Variants in THSD4 observed in about 807,000 individuals in gnomAD.
THSD4 encodes thrombospondin type 1 domain containing 4, also known as thrombospondin type-1 domain-containing protein 4.
In THSD4, 69 loss-of-function variants were observed where a neutral mutation model predicts 119.0. That is an observed-to-expected ratio of 0.58 (90% CI 0.48 to 0.71). The LOEUF (loss-of-function observed/expected upper bound fraction) is 0.71. Ranked by LOEUF, THSD4 falls within the 30% of genes least tolerant of loss-of-function variation. The pLI, the probability that THSD4 is intolerant of heterozygous loss-of-function variation, is 0.00. For synonymous variants in THSD4, 524 were observed against 540.4 expected, an observed-to-expected ratio of 0.97 and a Z score of 0.42; for missense variants, 1,393 against 1,391.1, an observed-to-expected ratio of 1.00 and a Z score of -0.02.
chr15:71,119,854 C>G (rs2040394533), intron 1 of THSD4, among the ~76,000 whole-genome samples: 2 of 152,210 alleles, frequency 1.3e-5, no homozygotes, highest in Non-Finnish European at 2.9e-5. Context: ...GGCCTTGCTC[C>G]ACTTCCTACC....
intron 3 of THSD4, among the ~76,000 whole-genome samples, chr15:71,193,382 A>T (rs1485446122): frequency 6.6e-6 from 1 of 152,290 alleles, no homozygotes; most frequent in African/African-American, 2.4e-5. Flanking sequence ...CAATATTAAC[A>T]CGCATTACAC....
chr15:71,434,040 A>G (rs959061832), intron 7 of THSD4, among the ~76,000 whole-genome samples: 1 of 152,172 alleles, frequency 6.6e-6, no homozygotes, highest in East Asian at 1.9e-4. Flanking sequence ...CAGAGACAGC[A>G]TAAGTCTGTC....
rs775636639 is a variant in THSD4, at chr15:71,774,830, G to A, written c.2915-2402G>A. Among the ~76,000 whole-genome samples the A allele has an allele frequency of 4.8e-4, 73 of 151,806 alleles. 2 individuals carry two copies. Among genetic ancestry groups the A allele is most frequent in the Admixed American group, 3.0e-3 (46 of 15,232 alleles). ...ATTGTGTAGAATTAATGAATGAACCGTACAATTTCTTGTAACTTATAAAAA... is the reference window on the plus strand; with the variant it reads ...ATTGTGTAGAATTAATGAATGAACCATACAATTTCTTGTAACTTATAAAAA... On this transcript the variant is annotated intron_variant, in intron 17 of 17. Transcript: ENST00000261862.
intron 7 of THSD4, among the ~76,000 whole-genome samples, chr15:71,551,310 A>G (rs8035401): frequency 2.0e-5 from 3 of 152,066 alleles, no homozygotes; most frequent in Non-Finnish European, 4.4e-5. Flanking sequence ...AGATCTTTGT[A>G]TTTGATGAGC....
At chr15:71,231,196 A>G (rs918428235) in intron 4 of THSD4, among the ~76,000 whole-genome samples, 2 of 152,172 alleles carry the variant, frequency 1.3e-5, no homozygotes, top group African/African-American at 4.8e-5. Flanking sequence ...ACAATCTTAG[A>G]AGAAGAGAAG....
chr15:71,327,686 A>T (rs192593449), intron 6 of THSD4, among the ~76,000 whole-genome samples: 1 of 152,192 alleles, frequency 6.6e-6, no homozygotes, highest in African/African-American at 2.4e-5. Context: ...TGCTGAATGT[A>T]TATGGCATTC....
intron 1 of THSD4, among the ~76,000 whole-genome samples, chr15:71,107,456 A>G (rs889865051): frequency 1.3e-5 from 2 of 152,178 alleles, no homozygotes; most frequent in Non-Finnish European, 2.9e-5. Flanking sequence ...AAGAAAAGGA[A>G]AAAGAAAAGA....
chr15:71,344,335 G>T (rs1182849593), intron 6 of THSD4, among the ~76,000 whole-genome samples: 1 of 151,736 alleles, frequency 6.6e-6, no homozygotes, highest in Non-Finnish European at 1.5e-5. Flanking sequence ...GAGCCACTGT[G>T]CCCAGCCCAG....
At chr15:71,541,516 A>G (rs1351413070) in intron 7 of THSD4, among the ~76,000 whole-genome samples, 3 of 152,268 alleles carry the variant, frequency 2.0e-5, no homozygotes, top group African/African-American at 7.2e-5. Context: ...TAGACAAGCA[A>G]TTATAAACAT....
At chr15:71,246,032 A>G (rs569091059) in intron 5 of THSD4, among the ~76,000 whole-genome samples, 3 of 152,298 alleles carry the variant, frequency 2.0e-5, no homozygotes, top group East Asian at 3.9e-4. Context: ...GAGGACATGA[A>G]TGACCCAATT....
intron 4 of THSD4, among the ~76,000 whole-genome samples, chr15:71,222,739 AG>A (rs2043984880): frequency 6.6e-6 from 1 of 152,214 alleles, no homozygotes; most frequent in South Asian, 2.1e-4. Flanking sequence ...ACTCTTGCCC[AG>A]GCGTGCAGAC....
At chr15:71,705,921 G>C (rs1440409892) in intron 8 of THSD4, among the ~76,000 whole-genome samples, 1 of 152,180 alleles carries the variant, frequency 6.6e-6, no homozygotes, top group Non-Finnish European at 1.5e-5. Flanking sequence ...TCTAGTTGGG[G>C]TGGCAGGGAG....
intron 7 of THSD4, among the ~76,000 whole-genome samples, chr15:71,442,045 G>A (rs28660292): frequency 7.2e-5 from 11 of 152,038 alleles, no homozygotes; most frequent in Non-Finnish European, 1.3e-4. Flanking sequence ...GGCAATCTCC[G>A]CCTCCCGGGT....
chr15:71,604,831 A>AAAC (rs993029305), intron 7 of THSD4, among the ~76,000 whole-genome samples: 1 of 149,378 alleles, frequency 6.7e-6, no homozygotes, highest in African/African-American at 2.4e-5. Context: ...ACAAAAACAA[A>AAAC]AAAAAAACCT....
intron 7 of THSD4, among the ~76,000 whole-genome samples, chr15:71,482,239 C>CA (rs1286836517): frequency 6.6e-6 from 1 of 152,114 alleles, no homozygotes; most frequent in Non-Finnish European, 1.5e-5. Flanking sequence ...CCTGTGGCTC[C>CA]AGCCATCATA....
intron 7 of THSD4, among the ~76,000 whole-genome samples, chr15:71,605,704 G>A (rs2050096831): frequency 6.6e-6 from 1 of 152,202 alleles, no homozygotes; most frequent in Non-Finnish European, 1.5e-5. Context: ...GGGCCTTTTG[G>A]ACACCTAAGT....
chr15:71,450,949 G>T (rs137947244), intron 7 of THSD4, among the ~76,000 whole-genome samples: 1 of 152,302 alleles, frequency 6.6e-6, no homozygotes, highest in East Asian at 1.9e-4. Context: ...AGGCCAGAGC[G>T]GATGGATTGC....
chr15:71,177,898 A>C (rs1432471232), intron 3 of THSD4, among the ~76,000 whole-genome samples: 1 of 148,268 alleles, frequency 6.7e-6, no homozygotes, highest in Non-Finnish European at 1.5e-5. Flanking sequence ...CCACATGATT[A>C]TCTCAATAGA....
At chr15:71,389,472 T>C (rs2046342496) in intron 6 of THSD4, among the ~76,000 whole-genome samples, 1 of 151,866 alleles carries the variant, frequency 6.6e-6, no homozygotes, top group South Asian at 2.1e-4. Flanking sequence ...CCTCTTTTTT[T>C]TTTTTTTAAG....
Sources: gnomAD v4.1 joint callset for allele counts (sites outside exome capture counted in the v4.1 genomes callset) on GRCh38, gnomAD v4.1.1 for gene constraint, MANE v1.5 for transcripts, NCBI Gene and HGNC (gene_info 2026-07-23, HGNC 2026-07-21) for gene names.